Variants in CACNA1E observed in about 807,000 individuals in gnomAD.
CACNA1E encodes the protein calcium voltage-gated channel subunit alpha1 E, also known as voltage-dependent R-type calcium channel subunit alpha-1E.
In CACNA1E, 40 loss-of-function variants were observed where a neutral mutation model predicts 259.2. The ratio of observed to expected loss-of-function variants is 0.15; its 90% CI spans 0.12 to 0.20. The LOEUF (loss-of-function observed/expected upper bound fraction) is 0.20. Ranked by LOEUF, CACNA1E falls within the 10% of genes least tolerant of loss-of-function variation. The pLI is 1.00. For synonymous variants in CACNA1E, 1,104 were observed against 1,138.5 expected (o/e 0.97, Z 0.61); for missense variants, 1,874 against 3,040.1 (o/e 0.62, Z 9.02).
chr1:181,356,339 T>A (rs1339207525), intron 1 of CACNA1E, among the ~76,000 whole-genome samples: 1 of 132,114 alleles, frequency 7.6e-6, no homozygotes, highest in African/African-American at 3.0e-5. Flanking sequence ...TTGCCTTCTA[T>A]TCGTGTGTGT....
intron 2 of CACNA1E, among the ~76,000 whole-genome samples, chr1:181,474,373 A>T (rs377297973): frequency 6.6e-6 from 1 of 152,232 alleles, no homozygotes; most frequent in East Asian, 1.9e-4. Context: ...TGAGAATTAC[A>T]TTTCCACCTT....
At position 181,763,398 on chromosome 1, in the gene CACNA1E, T is replaced by C; in HGVS notation, c.4690-8T>C. 6.4e-7 allele frequency: 1 copy of C among 1,571,466 alleles called. No homozygotes were observed. The highest frequency in any genetic ancestry group is 8.7e-7 in the Non-Finnish European group (1 of 1,153,318). On this transcript the variant is annotated splice_region_variant and splice_polypyrimidine_tract_variant and intron_variant, in intron 33 of 47. Transcript: ENST00000367573. Reference sequence around the variant, plus strand: ...TTCCTAATTATATGTTTCCTTTTGGTCCACCAGCTGGTGAACACCAGTGGC... The same window carrying C: ...TTCCTAATTATATGTTTCCTTTTGGCCCACCAGCTGGTGAACACCAGTGGC...
At chr1:181,573,404 C>T (rs571776355) in intron 3 of CACNA1E, among the ~76,000 whole-genome samples, 56 of 152,324 alleles carry the variant, frequency 3.7e-4, no homozygotes, top group African/African-American at 1.3e-3. Flanking sequence ...AGCCCTGGTA[C>T]TTACAAGGCC....
At chr1:181,787,162 C>G (rs915683584) in intron 43 of CACNA1E, among the ~76,000 whole-genome samples, 1 of 152,034 alleles carries the variant, frequency 6.6e-6, no homozygotes, top group Non-Finnish European at 1.5e-5. Context: ...CTCTGTTGCC[C>G]AGGCTGGAGT....
intron 1 of CACNA1E, among the ~76,000 whole-genome samples, chr1:181,356,946 AG>A (rs1653494455): frequency 6.6e-6 from 1 of 152,190 alleles, no homozygotes; most frequent in African/African-American, 2.4e-5. Flanking sequence ...GGCAGCAAAG[AG>A]GCTCAGCTAG....
intron 1 of CACNA1E, among the ~76,000 whole-genome samples, chr1:181,492,126 A>G (rs1664370083): frequency 6.6e-6 from 1 of 151,984 alleles, no homozygotes; most frequent in South Asian, 2.1e-4. Flanking sequence ...CTCACGGAAA[A>G]CAAAACAAAA....
chr1:181,711,865 C>A (rs1006314461), intron 8 of CACNA1E, among the ~76,000 whole-genome samples: 1 of 152,068 alleles, frequency 6.6e-6, no homozygotes, highest in Non-Finnish European at 1.5e-5. Context: ...CCTTATGGGG[C>A]CTTGTAAGGG....
At chr1:181,349,585 T>C (rs1387459456) in intron 1 of CACNA1E, among the ~76,000 whole-genome samples, 2 of 152,074 alleles carry the variant, frequency 1.3e-5, no homozygotes, top group Non-Finnish European at 2.9e-5. Flanking sequence ...GGGTGAGGGC[T>C]GCCAGGGTGG....
chr1:181,473,231 T>G (rs1662629602), intron 2 of CACNA1E, among the ~76,000 whole-genome samples: 1 of 152,136 alleles, frequency 6.6e-6, no homozygotes, highest in African/African-American at 2.4e-5. Context: ...GGCTGATACC[T>G]TTTGCAGATA....
chr1:181,425,929 CA>C (rs1453865450), intron 2 of CACNA1E, among the ~76,000 whole-genome samples: 1 of 152,156 alleles, frequency 6.6e-6, no homozygotes, highest in African/African-American at 2.4e-5. Flanking sequence ...GCTCACATCC[CA>C]CTACTCAGCC....
At chr1:181,547,936 T>G (rs1315272650) in intron 3 of CACNA1E, among the ~76,000 whole-genome samples, 2 of 152,312 alleles carry the variant, frequency 1.3e-5, no homozygotes, top group South Asian at 2.1e-4. Context: ...GAGAACTTAC[T>G]ATCTACTTGT....
chr1:181,383,834 C>A (rs1655638830), intron 1 of CACNA1E, among the ~76,000 whole-genome samples: 1 of 152,188 alleles, frequency 6.6e-6, no homozygotes, highest in South Asian at 2.1e-4. Context: ...TGTGTGGCAC[C>A]TCCAGACCTG....
chr1:181,399,066 C>G (rs935500834), intron 1 of CACNA1E, among the ~76,000 whole-genome samples: 1 of 152,160 alleles, frequency 6.6e-6, no homozygotes, highest in Non-Finnish European at 1.5e-5. Flanking sequence ...GTCCCCCCAC[C>G]ACATCCCCTC....
intron 1 of CACNA1E, among the ~76,000 whole-genome samples, chr1:181,321,895 T>C (rs147760379): frequency 6.6e-6 from 1 of 152,270 alleles, no homozygotes; most frequent in African/African-American, 2.4e-5. Flanking sequence ...AAATGAAGGT[T>C]GGGATATTTT....
intron 1 of CACNA1E, among the ~76,000 whole-genome samples, chr1:181,493,466 C>T (rs1393822380): frequency 1.3e-5 from 2 of 152,314 alleles, no homozygotes; most frequent in Admixed American, 6.5e-5. Context: ...TGACAGGGTG[C>T]TCTTCTGTTG....
chr1:181,700,772 C>A (rs137928940), intron 7 of CACNA1E, among the ~76,000 whole-genome samples: 2 of 152,286 alleles, frequency 1.3e-5, no homozygotes, highest in African/African-American at 4.8e-5. Flanking sequence ...TTAATTGCAT[C>A]CCTGGAAAGG....
chr1:181,391,603 G>A (rs1244053422), intron 1 of CACNA1E, among the ~76,000 whole-genome samples: 2 of 152,200 alleles, frequency 1.3e-5, no homozygotes, highest in African/African-American at 4.8e-5. Context: ...CTAGAGCCAA[G>A]AGGGAGAGGG....
chr1:181,407,905 C>G (rs1197731635), intron 1 of CACNA1E, among the ~76,000 whole-genome samples: 2 of 152,140 alleles, frequency 1.3e-5, no homozygotes, highest in Admixed American at 1.3e-4. Context: ...AAATTTGTTT[C>G]CATCTTATAA....
chr1:181,776,166 C>T lies in CACNA1E; in HGVS notation c.5205C>T (p.Ile1735=), dbSNP rs547087786. Residue 1735 remains isoleucine (I), a synonymous_variant, in exon 38 of 48, where the codon ATC becomes ATT. Coordinates refer to ENST00000367573, the MANE Select transcript of CACNA1E (RefSeq NM_001205293.3). This position sits in a 1 kb window ranked among gnomAD's most constrained non-coding sequence, Gnocchi z 4.4. ...NFEYLTRDSS[I]LGPHHLDEFV... is the part of the protein sequence containing the mutation. ...AGTACCTGACTCGGGACTCCTCCATCCTGGGGCCTCACCACTTGGACGAGT... is the reference window on the plus strand; with the variant it reads ...AGTACCTGACTCGGGACTCCTCCATTCTGGGGCCTCACCACTTGGACGAGT... The T allele has an allele frequency of 6.2e-7, 1 of 1,613,958 alleles. No homozygotes were observed. Among genetic ancestry groups the T allele is most frequent in the East Asian group, 2.2e-5 (1 of 44,880 alleles).
Sources: allele counts gnomAD v4.1 joint callset (sites outside exome capture counted in the v4.1 genomes callset), GRCh38; gene constraint gnomAD v4.1.1; non-coding constraint Gnocchi (gnomAD v3.1); transcripts MANE v1.5; gene names NCBI Gene and HGNC (gene_info 2026-07-23, HGNC 2026-07-21).